CPLANE1: variants seen among roughly 807,000 people sequenced by gnomAD.
The protein encoded by CPLANE1 is ciliogenesis and planar polarity effector complex subunit 1.
Under a neutral mutation model 362.5 loss-of-function variants are expected in CPLANE1, and 263 were observed. The observed-to-expected ratio is 0.73, with a 90% confidence interval of 0.66 to 0.80. The LOEUF (loss-of-function observed/expected upper bound fraction) is 0.80. Among genes scored for constraint, CPLANE1 ranks in the 30% least tolerant of loss-of-function variants. The probability of loss-of-function intolerance (pLI) is 0.00; values close to 1 mark genes in which losing one functional copy is unlikely to be tolerated. For synonymous variants in CPLANE1, 1,212 were observed against 1,302.6 expected (o/e 0.93, Z 1.50); for missense variants, 3,461 against 3,793.4 (o/e 0.91, Z 2.30).
At chr5:37,181,525 G>GA (rs148505007) in intron 26 of CPLANE1, among the ~76,000 whole-genome samples, 3,253 of 152,102 alleles carry the variant, frequency 0.021, 131 homozygotes, top group African/African-American at 0.075. Flanking sequence ...AATCTCAAGG[G>GA]AAAAAAAGGA....
At chr5:37,174,145 A>G (rs1168558377) in intron 31 of CPLANE1, among the ~76,000 whole-genome samples, 198 bp from the exon 32 acceptor site, 1 of 151,998 alleles carries the variant, frequency 6.6e-6, no homozygotes. Flanking sequence ...CATCAGCTCA[A>G]TTTTCATCTT....
At position 37,244,691 on chromosome 5, in the gene CPLANE1, T is replaced by G. The variant is rs61406200; in HGVS notation, c.338-84A>C. On this transcript the variant is annotated intron_variant, in intron 4 of 52. Coordinates refer to ENST00000651892, the MANE Select transcript of CPLANE1 (RefSeq NM_001384732.1). Reference sequence around the variant, plus strand: ...GTACATAATTTATGTATTCTTACAATAAAAAAAAAACAAATAATGTTACCA... The same window carrying G: ...GTACATAATTTATGTATTCTTACAAGAAAAAAAAAACAAATAATGTTACCA... 13,057 of 682,418 alleles carry G rather than the reference T, an allele frequency of 0.019. 868 individuals are homozygous for G. The highest frequency in any genetic ancestry group is 0.18 in the African/African-American group (9,705 of 53,066). 42.3% of individuals were successfully genotyped at this position (682,418 alleles called of 1,614,324 possible).
intron 50 of CPLANE1, among the ~76,000 whole-genome samples, chr5:37,119,724 G>A (rs539623041): frequency 1.3e-5 from 2 of 152,076 alleles, no homozygotes; most frequent in African/African-American, 4.8e-5. Flanking sequence ...GGTGGCTCAC[G>A]CCTGTAATCC....
intron 2 of CPLANE1, among the ~76,000 whole-genome samples, 167 bp from the exon 3 acceptor site, chr5:37,246,012 A>G (rs1403274596): frequency 3.3e-5 from 5 of 152,172 alleles, no homozygotes; most frequent in Non-Finnish European, 7.3e-5. Flanking sequence ...TAGCCTGAAC[A>G]TTTTGAATTG....
Position 37,148,279 on chromosome 5 carries a change from AAC to A in CPLANE1, c.8374-13_8374-12del. 1.3e-6 allele frequency: 2 copies of A among 1,564,792 alleles called. No individual in the cohort carries two copies. The highest frequency in any genetic ancestry group is 1.8e-6 in the Non-Finnish European group (2 of 1,139,444). The stretch of plus-strand genomic sequence containing the variant: ...ATCCACTGGTCCAATCTGTAGAAAA[AAC>A]ACACACAACAAAACAACAGTAATAC... On this transcript the variant is annotated splice_polypyrimidine_tract_variant and intron_variant, in intron 42 of 52. Transcript: ENST00000651892.
At chr5:37,128,943 A>G (rs1027021578) in intron 46 of CPLANE1, among the ~76,000 whole-genome samples, 3 of 152,190 alleles carry the variant, frequency 2.0e-5, no homozygotes, top group African/African-American at 7.2e-5. Context: ...AAGAGCCTGT[A>G]CAGCCAAAGC....
chr5:37,089,533 T>C, the CPLANE1 span, among the ~76,000 whole-genome samples: 1 of 152,126 alleles, frequency 6.6e-6, no homozygotes, highest in Non-Finnish European at 1.5e-5. Flanking sequence ...CATGTCGAAT[T>C]ATCTAACAGC....
chr5:37,148,080 A>T, intron 43 of CPLANE1, 101 bp downstream of exon 43: 1 of 668,046 alleles, frequency 1.5e-6, no homozygotes, highest in Non-Finnish European at 2.4e-6. Context: ...CAGCTCACAT[A>T]ATGAAAACTA....
Position 37,209,618 on chromosome 5 carries a change from T to A in CPLANE1, c.2921-3193A>T. Reference sequence around the variant, plus strand: ...TAGTGGCAGATCACTTACAAAGATGTGGCTGTGAATATTCACTTTCTGTTT... The same window carrying A: ...TAGTGGCAGATCACTTACAAAGATGAGGCTGTGAATATTCACTTTCTGTTT... On this transcript the variant is annotated intron_variant, in intron 16 of 52. Transcript: ENST00000651892. The surrounding 1 kb of genome is among the most constrained non-coding windows in gnomAD (Gnocchi z 4.6). 7.0e-7 allele frequency: 1 copy of A among 1,436,804 alleles called. No homozygotes were observed. Among genetic ancestry groups the A allele is most frequent in the Non-Finnish European group, 9.8e-7 (1 of 1,019,948 alleles). The allele number at this position is 1,436,804 out of a possible 1,614,324, so 89.0% of individuals were successfully genotyped here. A position where few individuals can be genotyped will look rare whatever the true frequency, so the allele number is the denominator to read the frequency against.
chr5:37,218,244 C>A (rs1413577567), intron 15 of CPLANE1, among the ~76,000 whole-genome samples: 3 of 152,244 alleles, frequency 2.0e-5, no homozygotes, highest in Admixed American at 2.0e-4. Context: ...CATCTGTTTT[C>A]CCTCTGAGAG....
At position 37,215,630 on chromosome 5, in the gene CPLANE1, A is replaced by G. The variant is rs566602568; in HGVS notation, c.2747-1898T>C. 9.8e-4 allele frequency among the ~76,000 whole-genome samples: 149 copies of G among 152,136 alleles called. 1 individual carries two copies. Among genetic ancestry groups the G allele is most frequent in the African/African-American group, 3.5e-3 (145 of 41,526 alleles). On this transcript the variant is annotated intron_variant, in intron 15 of 52. Coordinates refer to ENST00000651892, the MANE Select transcript of CPLANE1 (RefSeq NM_001384732.1). ...CACATACACCTAAGAACTGTTCACA[A>G]CTTTAAGTTTTATTTTTTAAATGGA...
rs769282058 is a variant in CPLANE1, at chr5:37,158,234, A to G, written c.7802T>C (p.Val2601Ala). The G allele has an allele frequency of 6.2e-7, 1 of 1,613,510 alleles. No individual in the cohort carries two copies. The highest frequency in any genetic ancestry group is 1.1e-5 in the South Asian group (1 of 90,974). Residue 2601 changes from valine to alanine, a missense_variant, in exon 39 of 53, where the codon GTA (valine) becomes GCA (alanine). By Grantham distance (64) the Val-to-Ala change is moderately conservative (BLOSUM62 0). This residue lies in a region of CPLANE1 where 3,380 missense variants were observed against 3,666.1 expected (regional missense o/e 0.92). Transcript: ENST00000651892. The part of the protein sequence containing the change: ...KPWSPSIPHT[V>A]TNLVGHTYIN... ...GAATAAAACACAAACCAAGTTTGTT[A>G]CTGTATGAGGTATTGAGGGTGACCA...
chr5:37,156,627 T>C (rs1775183210), intron 41 of CPLANE1, among the ~76,000 whole-genome samples: 1 of 152,002 alleles, frequency 6.6e-6, no homozygotes, highest in South Asian at 2.1e-4. Context: ...CACACATATA[T>C]ATGTATTTTA....
At chr5:37,084,906 G>A in the CPLANE1 span, 10 of 446,916 alleles carry the variant, frequency 2.2e-5, no homozygotes, top group East Asian at 3.3e-4. Flanking sequence ...TAAGGTAAAG[G>A]GGTGGAAAAA....
rs993452636 is a variant in CPLANE1 at position 37,173,673 on chromosome 5, A to G, written c.6171+82T>C. ...CTTGTGATATAATTTTACCTTGTCA[A>G]TTTCTGGAAATCTATTAATATTTTA... On this transcript the variant is annotated intron_variant, in intron 32 of 52. Transcript: ENST00000651892. The G allele has an allele frequency of 7.7e-6, 9 of 1,169,770 alleles. No individual in the cohort carries two copies. In the Admixed American group the frequency reaches 8.8e-5, roughly 11 times the overall value. The allele number at this position is 1,169,770 out of a possible 1,614,324, so 72.5% of individuals were successfully genotyped here.
At chr5:37,236,568 A>G (rs934326194) in intron 8 of CPLANE1, among the ~76,000 whole-genome samples, 1 of 152,128 alleles carries the variant, frequency 6.6e-6, no homozygotes, top group South Asian at 2.1e-4. Flanking sequence ...AAAACAGACA[A>G]ATGAGAATTA....
At chr5:37,076,116 C>T in the CPLANE1 span, among the ~76,000 whole-genome samples, 592 of 151,754 alleles carry the variant, frequency 3.9e-3, 4 homozygotes, top group Non-Finnish European at 6.2e-3. Context: ...ATTAGCCAGG[C>T]ATGGTGGTGT....
chr5:37,107,520 C>G lies in CPLANE1; in HGVS notation c.*82G>C, dbSNP rs1757853237. ...ATTCACATTGCTTCTTTCATTGCTT[C>G]TGTCCCTTAAACCTGTTAATCTTTC... On this transcript the variant is annotated 3_prime_UTR_variant, in exon 53 of 53. Coordinates refer to ENST00000651892, the MANE Select transcript of CPLANE1 (RefSeq NM_001384732.1). 1 of 1,369,144 alleles carries G rather than the reference C, an allele frequency of 7.3e-7. No individual in the cohort carries two copies. The highest frequency in any genetic ancestry group is 2.2e-5 in the South Asian group (1 of 45,420). The allele number at this position is 1,369,144 out of a possible 1,614,324, so 84.8% of individuals were successfully genotyped here. A position where few individuals can be genotyped will look rare whatever the true frequency, so the allele number is the denominator to read the frequency against.
intron 34 of CPLANE1, 42 bp from the exon 35 acceptor site, chr5:37,167,255 C>G: frequency 6.8e-7 from 1 of 1,476,930 alleles, no homozygotes; most frequent in Non-Finnish European, 9.3e-7. Flanking sequence ...AAATTGCAAA[C>G]TCAATTATGT....
Sources: allele counts gnomAD v4.1 joint callset (sites outside exome capture counted in the v4.1 genomes callset), GRCh38; gene constraint gnomAD v4.1.1; regional missense constraint gnomAD v4.1.1; non-coding constraint Gnocchi (gnomAD v3.1); transcripts MANE v1.5; gene names NCBI Gene and HGNC (gene_info 2026-07-23, HGNC 2026-07-21).